The following ELAPOR1 variants were observed in gnomAD, a reference collection of about 807,000 sequenced individuals.
ELAPOR1 encodes the protein endosome/lysosome-associated apoptosis and autophagy regulator 1.
Under a neutral mutation model 119.7 loss-of-function variants are expected in ELAPOR1, and 77 were observed. That is an observed-to-expected ratio of 0.64 (90% CI 0.54 to 0.78). The LOEUF (loss-of-function observed/expected upper bound fraction) is 0.78, where lower values mean the gene tolerates loss of function less well. ELAPOR1 is among the 30% of genes least tolerant of loss of function. The pLI is 0.00. For missense variants in ELAPOR1, 1,115 were observed against 1,270.4 expected, an observed-to-expected ratio of 0.88 and a Z score of 1.86; for synonymous variants, 481 against 487.2, an observed-to-expected ratio of 0.99 and a Z score of 0.17.
intron 7 of ELAPOR1, among the ~76,000 whole-genome samples, chr1:109,178,356 CACCGGCTTGGGGTACAAAG>C (rs1652480983): frequency 6.6e-6 from 1 of 152,132 alleles, no homozygotes; most frequent in Non-Finnish European, 1.5e-5. Context: ...TTGACAACCT[CACCGGCTTGGGGTACAAAG>C]AGAGTCATAT....
At chr1:109,116,499 G>T (rs879873705) in intron 1 of ELAPOR1, among the ~76,000 whole-genome samples, 9 of 152,108 alleles carry the variant, frequency 5.9e-5, no homozygotes, top group Admixed American at 5.2e-4. Flanking sequence ...AGCAAGTCCT[G>T]TTTACATTCT....
At chr1:109,173,097 CA>C (rs58149393) in intron 5 of ELAPOR1, among the ~76,000 whole-genome samples, 1,023 of 91,888 alleles carry the variant, frequency 0.011, 8 homozygotes, top group African/African-American at 0.028. Context: ...AACTCTGTCT[CA>C]AAAAAAAAAA....
In ELAPOR1 at chr1:109,194,470, C is replaced by T. The variant is rs1342550082; in HGVS notation, c.1997C>T (p.Thr666Ile). 1.2e-6 allele frequency: 2 copies of T among 1,613,766 alleles called. No homozygotes were observed. Among genetic ancestry groups the T allele is most frequent in the South Asian group, 1.1e-5 (1 of 91,072 alleles). ...NDCTFSRNTP[T>I]RTFNYNFSAL... ...TGCACCTTCTCACGCAACACTCCGA[C>T]CAGGACTTTCAACTACAACTTCTCC... Residue 666 changes from threonine (T) to isoleucine (I), a missense_variant, in exon 15 of 22, where the codon ACC (threonine) becomes ATC (isoleucine). Thr to Ile is a moderately conservative substitution (Grantham distance 89). Transcript: ENST00000369939.
Position 109,164,577 on chromosome 1 carries a change from T to C in ELAPOR1, c.353T>C (p.Leu118Pro). 6.2e-7 allele frequency: 1 copy of C among 1,614,214 alleles called. No individual in the cohort carries two copies. Among genetic ancestry groups the C allele is most frequent in the Non-Finnish European group, 8.5e-7 (1 of 1,180,028 alleles). The change falls in exon 3 of 22, where the codon CTC becomes CCC. Residue 118 changes from leucine to proline, a missense_variant. Leu to Pro is a moderately conservative substitution (Grantham distance 98). Transcript: ENST00000369939. Reference sequence around the variant, plus strand: ...CCATGCGCTGAGGGCCGCTACTCCCTCGGCACAGGCATTCGGTTTGATGAG... The same window carrying C: ...CCATGCGCTGAGGGCCGCTACTCCCCCGGCACAGGCATTCGGTTTGATGAG... ...CKPCAEGRYSLGTGIRFDEWD... is the reference protein window; with the variant it reads ...CKPCAEGRYSPGTGIRFDEWD...
chr1:109,187,757 C>A, intron 8 of ELAPOR1: 1 of 797,398 alleles, frequency 1.3e-6, no homozygotes, highest in Non-Finnish European at 1.6e-6. Context: ...GACATCTCAG[C>A]CACCCCCTCA....
rs763322559 is a variant in ELAPOR1, at chr1:109,161,967, C to T, written c.227C>T (p.Pro76Leu). Residue 76 changes from proline (P) to leucine (L), a missense_variant, in exon 2 of 22, where the codon CCG becomes CTG. By Grantham distance (98) the Pro-to-Leu change is moderately conservative (BLOSUM62 -3). Transcript: ENST00000369939. ...TGGAGGGTCGCCGTGCCGCATACCCCGGGCCTGTGCACCAGCCTGCCTGAC... is the reference window on the plus strand; with the variant it reads ...TGGAGGGTCGCCGTGCCGCATACCCTGGGCCTGTGCACCAGCCTGCCTGAC... ...SRWRVAVPHT[P>L]GLCTSLPDPI... 1.2e-5 allele frequency: 19 copies of T among 1,613,914 alleles called. No homozygotes were observed. The highest frequency in any genetic ancestry group is 4.4e-5 in the South Asian group (4 of 91,080).
intron 18 of ELAPOR1, 103 bp from the exon 19 acceptor site, chr1:109,199,751 G>A: frequency 7.3e-7 from 1 of 1,363,292 alleles, no homozygotes; most frequent in Non-Finnish European, 1.0e-6. Flanking sequence ...GGTTTGGGCA[G>A]GGAGAGGGTA....
intron 3 of ELAPOR1, among the ~76,000 whole-genome samples, chr1:109,170,188 G>A (rs1253225913): frequency 1.3e-5 from 2 of 152,162 alleles, no homozygotes; most frequent in African/African-American, 2.4e-5. Flanking sequence ...AACCGCATGC[G>A]CATGTTAAAC....
intron 7 of ELAPOR1, among the ~76,000 whole-genome samples, chr1:109,184,070 T>TA (rs1234580405): frequency 2.0e-5 from 3 of 151,366 alleles, no homozygotes; most frequent in Non-Finnish European, 4.4e-5. Flanking sequence ...AAAATAACAA[T>TA]AATAAAATAA....
intron 1 of ELAPOR1, among the ~76,000 whole-genome samples, chr1:109,144,061 A>ATATATATATATATATTTTTTTTTTTTTT: frequency 1.1e-5 from 1 of 88,990 alleles, no homozygotes; most frequent in African/African-American, 4.8e-5. Flanking sequence ...ATATTTATAT[A>ATATATATATATATATTTTTTTTTTTTTT]TTTTTTTTTT....
intron 1 of ELAPOR1, among the ~76,000 whole-genome samples, chr1:109,161,118 A>C (rs1308974471): frequency 6.6e-6 from 1 of 152,208 alleles, no homozygotes; most frequent in Non-Finnish European, 1.5e-5. Context: ...CATAAGAAAC[A>C]CAGGGAAATA....
At chr1:109,194,643 G>GGAT (rs1460175308) in intron 15 of ELAPOR1, 49 bp downstream of exon 15, 1 of 1,558,724 alleles carries the variant, frequency 6.4e-7, no homozygotes. Flanking sequence ...GGAGGCCCAT[G>GGAT]GATCAGAAGC....
chr1:109,114,251 C>T lies in ELAPOR1; in HGVS notation c.68C>T (p.Pro23Leu). The T allele has an allele frequency of 1.2e-6, 2 of 1,603,796 alleles. No individual in the cohort carries two copies. Among genetic ancestry groups the T allele is most frequent in the Non-Finnish European group, 8.5e-7 (1 of 1,175,194 alleles). Residue 23 changes from proline to leucine, a missense_variant, in exon 1 of 22, where the codon CCC (proline) becomes CTC (leucine). Transcript: ENST00000369939. The stretch of plus-strand genomic sequence containing the variant: ...AGGGGAAGAACTGAGAGGCGCATAC[C>T]CCGGCTGTGGCGGCTGCTGCTCTGG... Reference protein sequence around the residue: ...RVRGRTERRIPRLWRLLLWAG... With the variant: ...RVRGRTERRILRLWRLLLWAG...
intron 1 of ELAPOR1, among the ~76,000 whole-genome samples, chr1:109,129,364 G>A (rs1318914177): frequency 6.6e-6 from 1 of 152,112 alleles, no homozygotes; most frequent in African/African-American, 2.4e-5. Flanking sequence ...ACAAAAATTA[G>A]CTGGGCGTGG....
chr1:109,156,132 A>G, intron 1 of ELAPOR1, among the ~76,000 whole-genome samples: 1 of 152,164 alleles, frequency 6.6e-6, no homozygotes, highest in East Asian at 1.9e-4. Context: ...GCAACAGAGT[A>G]AGACACCATC....
chr1:109,184,903 G>T, intron 7 of ELAPOR1, 142 bp from the exon 8 acceptor site: 1 of 699,560 alleles, frequency 1.4e-6, no homozygotes, highest in Non-Finnish European at 2.6e-6. Flanking sequence ...AAGGGGAAGG[G>T]TGAGTGTGCA....
chr1:109,157,539 T>C (rs1650958781), intron 1 of ELAPOR1, among the ~76,000 whole-genome samples: 2 of 152,178 alleles, frequency 1.3e-5, no homozygotes, highest in Non-Finnish European at 2.9e-5. Context: ...CCTCCACTCA[T>C]GCCCTGAGCT....
At chr1:109,174,592 A>G (rs932254777) in intron 7 of ELAPOR1, among the ~76,000 whole-genome samples, 1 of 151,914 alleles carries the variant, frequency 6.6e-6, no homozygotes, top group African/African-American at 2.4e-5. Context: ...ATAAACAAAA[A>G]GAAATAGATG....
chr1:109,143,512 A>G (rs866947520), intron 1 of ELAPOR1, among the ~76,000 whole-genome samples: 2 of 152,234 alleles, frequency 1.3e-5, no homozygotes, highest in Non-Finnish European at 2.9e-5. Flanking sequence ...ATTTCAGAAT[A>G]TGAAAATATT....
Sources: gnomAD v4.1 joint callset for allele counts (sites outside exome capture counted in the v4.1 genomes callset) on GRCh38, gnomAD v4.1.1 for gene constraint, MANE v1.5 for transcripts, NCBI Gene and HGNC (gene_info 2026-07-23, HGNC 2026-07-21) for gene names.